Variants in CSTPP1 observed in about 807,000 individuals in gnomAD.
CSTPP1 encodes centriolar satellite-associated tubulin polyglutamylase complex regulator 1.
chr11:47,157,165 G>A, the CSTPP1 span: 8 of 1,611,602 alleles, frequency 5.0e-6, no homozygotes, highest in Admixed American at 6.7e-5. Context: ...AGGGCGTGGA[G>A]GCGTCGCTGT....
chr11:46,971,600 T>C, the CSTPP1 span, among the ~76,000 whole-genome samples: 372 of 152,330 alleles, frequency 2.4e-3, 1 homozygote, highest in African/African-American at 8.2e-3. Context: ...AAGAATTCTG[T>C]ATTTAAGCAA....
the CSTPP1 span, among the ~76,000 whole-genome samples, chr11:47,073,786 C>T: frequency 6.6e-6 from 1 of 152,118 alleles, no homozygotes; most frequent in Non-Finnish European, 1.5e-5. Flanking sequence ...ATATTACAAA[C>T]TATATTTTTG....
chr11:47,083,873 G>A, the CSTPP1 span, among the ~76,000 whole-genome samples: 1 of 152,284 alleles, frequency 6.6e-6, no homozygotes, highest in East Asian at 1.9e-4. Context: ...CTTGGGTTAT[G>A]TACAGTTTTT....
the CSTPP1 span, chr11:47,160,864 G>T: frequency 2.0e-6 from 1 of 506,500 alleles, no homozygotes; most frequent in South Asian, 2.2e-5. Flanking sequence ...CCTGGTGTTG[G>T]AAGGGGATCA....
chr11:47,159,024 A>G, the CSTPP1 span, among the ~76,000 whole-genome samples: 1 of 152,136 alleles, frequency 6.6e-6, no homozygotes, highest in Admixed American at 6.5e-5. Flanking sequence ...GATGCTTTAT[A>G]TTTTTTATCT....
chr11:47,145,343 A>T, the CSTPP1 span, among the ~76,000 whole-genome samples: 1 of 152,018 alleles, frequency 6.6e-6, no homozygotes, highest in African/African-American at 2.4e-5. Context: ...TAATCCCAGC[A>T]CTTTGGGAGG....
chr11:47,036,405 A>T, the CSTPP1 span, among the ~76,000 whole-genome samples: 1 of 113,438 alleles, frequency 8.8e-6, no homozygotes, highest in Admixed American at 1.1e-4. Context: ...TCTAAGGAAC[A>T]TAATATTTGG....
At chr11:46,983,295 G>C in the CSTPP1 span, among the ~76,000 whole-genome samples, 2 of 152,174 alleles carry the variant, frequency 1.3e-5, no homozygotes, top group African/African-American at 4.8e-5. Context: ...TCACTTGCTA[G>C]GTTCAAGTAA....
chr11:47,067,543 C>T, the CSTPP1 span, among the ~76,000 whole-genome samples: 1 of 152,132 alleles, frequency 6.6e-6, no homozygotes, highest in African/African-American at 2.4e-5. Flanking sequence ...GGATTAGTAT[C>T]CTTGCAAGAA....
chr11:47,101,197 T>TTTTTTTTC, the CSTPP1 span, among the ~76,000 whole-genome samples: 2 of 136,820 alleles, frequency 1.5e-5, no homozygotes, highest in Non-Finnish European at 3.1e-5. Flanking sequence ...TTTATTTTAT[T>TTTTTTTTC]TTTAGTAGAG....
chr11:47,097,603 G>A, the CSTPP1 span, among the ~76,000 whole-genome samples: 24 of 104,444 alleles, frequency 2.3e-4, no homozygotes, highest in South Asian at 3.7e-4. Context: ...CCCTCCGCCC[G>A]GCCAGCCGCC....
At chr11:47,031,714 T>TA in the CSTPP1 span, among the ~76,000 whole-genome samples, 86 of 149,212 alleles carry the variant, frequency 5.8e-4, no homozygotes, top group African/African-American at 2.0e-3. Flanking sequence ...TTTTTTTTTT[T>TA]TAAAAGAGAT....
chr11:46,968,052 G>A, the CSTPP1 span, among the ~76,000 whole-genome samples: 3 of 151,148 alleles, frequency 2.0e-5, no homozygotes, highest in African/African-American at 7.3e-5. Context: ...TTCCTTGTAG[G>A]GTCAGAACAG....
At chr11:46,994,431 T>C in the CSTPP1 span, among the ~76,000 whole-genome samples, 12 of 152,180 alleles carry the variant, frequency 7.9e-5, no homozygotes, top group African/African-American at 2.9e-4. Context: ...AAATAGCTCA[T>C]TATTTTGAGA....
At chr11:47,158,060 C>T in the CSTPP1 span, 3 of 738,352 alleles carry the variant, frequency 4.1e-6, no homozygotes, top group Admixed American at 4.8e-5. Flanking sequence ...GACTCAATCC[C>T]AGGGAGCAGG....
chr11:47,114,979 G>C, the CSTPP1 span, among the ~76,000 whole-genome samples: 1 of 152,120 alleles, frequency 6.6e-6, no homozygotes, highest in Non-Finnish European at 1.5e-5. Flanking sequence ...GTCATAAGTA[G>C]CTCTTATTAT....
chr11:46,995,593 G>C, the CSTPP1 span, among the ~76,000 whole-genome samples: 2 of 152,224 alleles, frequency 1.3e-5, no homozygotes, highest in Non-Finnish European at 2.9e-5. Flanking sequence ...GGTTTTGAGA[G>C]AGTTTCTTCA....
At chr11:47,109,194 G>T in the CSTPP1 span, 1 of 152,084 alleles carries the variant, frequency 6.6e-6, no homozygotes, top group African/African-American at 2.4e-5. Flanking sequence ...GATGTTCCCT[G>T]AGCCTCTCCC....
At chr11:47,112,528 G>C in the CSTPP1 span, among the ~76,000 whole-genome samples, 1 of 152,088 alleles carries the variant, frequency 6.6e-6, no homozygotes, top group African/African-American at 2.4e-5. Flanking sequence ...CACCATGTTG[G>C]CCAGGCTGGT....
Sources: gnomAD v4.1 joint callset for allele counts (sites outside exome capture counted in the v4.1 genomes callset) on GRCh38, gnomAD v4.1.1 for gene constraint, MANE v1.5 for transcripts, NCBI Gene and HGNC (gene_info 2026-07-23, HGNC 2026-07-21) for gene names.